The following PROS1 variants were observed in gnomAD, a reference collection of about 807,000 sequenced individuals.
PROS1 encodes the protein vitamin K-dependent protein S.
A neutral mutation model predicts 75.9 loss-of-function variants in PROS1; 29 were observed. That is an observed-to-expected ratio of 0.38 (90% confidence interval 0.28 to 0.52). The LOEUF (loss-of-function observed/expected upper bound fraction) is 0.52, where lower values mean the gene tolerates loss of function less well. Among genes scored for constraint, PROS1 ranks in the 20% least tolerant of loss-of-function variants. The pLI is 0.83. For synonymous variants in PROS1, 245 were observed against 280.6 expected, an observed-to-expected ratio of 0.87 and a Z score of 1.27; for missense variants, 680 against 810.3, an observed-to-expected ratio of 0.84 and a Z score of 1.95.
intron 1 of PROS1, among the ~76,000 whole-genome samples, chr3:93,956,769 A>G (rs1709610144): frequency 6.6e-6 from 1 of 151,878 alleles, no homozygotes; most frequent in Non-Finnish European, 1.5e-5. Flanking sequence ...CACTCCATCC[A>G]CTCCCTCTAC....
intron 3 of PROS1, among the ~76,000 whole-genome samples, chr3:93,922,453 T>C (rs551811603): frequency 6.6e-6 from 1 of 152,200 alleles, no homozygotes; most frequent in Non-Finnish European, 1.5e-5. Flanking sequence ...ATTTAAAAAC[T>C]ATAATGAAAC....
intron 1 of PROS1, among the ~76,000 whole-genome samples, chr3:93,948,401 A>C (rs1709439430): frequency 6.6e-6 from 1 of 152,118 alleles, no homozygotes; most frequent in South Asian, 2.1e-4. Context: ...TGGGGTGGAG[A>C]GTTCTGTAGA....
At chr3:93,891,643 CA>C (rs1708432016) in intron 10 of PROS1, among the ~76,000 whole-genome samples, 1 of 152,164 alleles carries the variant, frequency 6.6e-6, no homozygotes, top group Non-Finnish European at 1.5e-5. Context: ...CTCCTGATCT[CA>C]GGTGATCCAC....
At chr3:93,880,330 T>C (rs1399388425) in intron 12 of PROS1, among the ~76,000 whole-genome samples, 2 of 151,866 alleles carry the variant, frequency 1.3e-5, no homozygotes, top group Admixed American at 1.3e-4. Flanking sequence ...GAAACATCTC[T>C]ACTGAAAAAA....
At chr3:93,950,213 G>T (rs1709472384) in intron 1 of PROS1, among the ~76,000 whole-genome samples, 1 of 152,296 alleles carries the variant, frequency 6.6e-6, no homozygotes, top group African/African-American at 2.4e-5. Context: ...GCCCATGGCA[G>T]ATCAAGGAGG....
chr3:93,918,838 G>A (rs1013534509), intron 3 of PROS1, among the ~76,000 whole-genome samples: 1 of 152,162 alleles, frequency 6.6e-6, no homozygotes, highest in Non-Finnish European at 1.5e-5. Context: ...GAGACATCAT[G>A]CCCAGTGGTT....
At chr3:93,890,464 C>A (rs1447114578) in intron 10 of PROS1, among the ~76,000 whole-genome samples, 5 of 152,288 alleles carry the variant, frequency 3.3e-5, no homozygotes, top group Admixed American at 3.3e-4. Context: ...CCTGTTCTTA[C>A]ACCCTCTCCC....
chr3:93,973,223 T>C (rs1026671325), intron 1 of PROS1, among the ~76,000 whole-genome samples: 1 of 151,988 alleles, frequency 6.6e-6, no homozygotes, highest in Non-Finnish European at 1.5e-5. Flanking sequence ...CAAACCAAGC[T>C]CAAAGTCCAG....
intron 14 of PROS1, 107 bp downstream of exon 14, chr3:93,876,859 G>A: frequency 1.3e-6 from 1 of 752,264 alleles, no homozygotes; most frequent in Non-Finnish European, 2.1e-6. Flanking sequence ...ATGAATACTG[G>A]ATTTTATGTT....
chr3:93,890,299 C>T (rs1708414052), intron 10 of PROS1, among the ~76,000 whole-genome samples: 1 of 152,174 alleles, frequency 6.6e-6, no homozygotes, highest in Non-Finnish European at 1.5e-5. Flanking sequence ...AACATAGACC[C>T]TTATCAATAA....
intron 1 of PROS1, among the ~76,000 whole-genome samples, chr3:93,936,360 G>A (rs1240013047): frequency 2.0e-5 from 3 of 151,960 alleles, no homozygotes; most frequent in South Asian, 2.1e-4. Flanking sequence ...TGAGCACCAC[G>A]TAATATGCCC....
At chr3:93,882,941 C>T (rs747638684) in intron 12 of PROS1, among the ~76,000 whole-genome samples, 2 of 152,152 alleles carry the variant, frequency 1.3e-5, no homozygotes, top group Non-Finnish European at 2.9e-5. Context: ...CATATGAAGA[C>T]TCATTGCAAC....
chr3:93,905,925 GA>G lies in PROS1; in HGVS notation c.470-11del, dbSNP rs756708926. 2 of 1,611,374 alleles carry G rather than the reference GA, an allele frequency of 1.2e-6. No homozygotes were observed. Among genetic ancestry groups the G allele is most frequent in the Non-Finnish European group, 8.5e-7 (1 of 1,178,826 alleles). On this transcript the variant is annotated splice_polypyrimidine_tract_variant and intron_variant, in intron 5 of 14. Transcript: ENST00000394236. ...TTGCATTCATTTATGTCTAAAACAG[GA>G]AAAAAATAAATTATTTTTAAAGTAA...
At chr3:93,954,646 C>A (rs1709567870) in intron 1 of PROS1, among the ~76,000 whole-genome samples, 1 of 152,128 alleles carries the variant, frequency 6.6e-6, no homozygotes, top group Non-Finnish European at 1.5e-5. Context: ...TAGGCAATAG[C>A]ATTCAGGACA....
At chr3:93,952,584 T>G (rs890374996) in intron 1 of PROS1, among the ~76,000 whole-genome samples, 3 of 152,304 alleles carry the variant, frequency 2.0e-5, no homozygotes, top group African/African-American at 7.2e-5. Flanking sequence ...AAGCAGTGTG[T>G]AGAGGGAAAT....
At chr3:93,942,767 C>T (rs1413468692) in intron 1 of PROS1, among the ~76,000 whole-genome samples, 1 of 152,180 alleles carries the variant, frequency 6.6e-6, no homozygotes, top group South Asian at 2.1e-4. Flanking sequence ...CATTTGCTTT[C>T]CATCATGGAA....
At chr3:93,916,253 A>T (rs1457967914) in intron 3 of PROS1, among the ~76,000 whole-genome samples, 1 of 152,050 alleles carries the variant, frequency 6.6e-6, no homozygotes, top group African/African-American at 2.4e-5. Flanking sequence ...CTACTTTCAG[A>T]CTTCATTTAT....
At chr3:93,917,133 A>G (rs942318099) in intron 3 of PROS1, among the ~76,000 whole-genome samples, 3 of 152,220 alleles carry the variant, frequency 2.0e-5, no homozygotes, top group African/African-American at 7.2e-5. Flanking sequence ...TTGACAGTAT[A>G]TTATGATCGC....
intron 1 of PROS1, among the ~76,000 whole-genome samples, chr3:93,968,242 C>A (rs556764338): frequency 6.6e-6 from 1 of 152,122 alleles, no homozygotes; most frequent in African/African-American, 2.4e-5. Flanking sequence ...TTAGGGTAGG[C>A]CTTAATCCAG....
Sources: gnomAD v4.1 joint callset for allele counts (sites outside exome capture counted in the v4.1 genomes callset) on GRCh38, gnomAD v4.1.1 for gene constraint, MANE v1.5 for transcripts, NCBI Gene and HGNC (gene_info 2026-07-23, HGNC 2026-07-21) for gene names.